Variants in KIAA1328 observed in about 807,000 individuals in gnomAD.
KIAA1328 encodes KIAA1328.
KIAA1328 carries 52 observed loss-of-function variants against 68.1 expected under a neutral mutation model. The ratio of observed to expected loss-of-function variants is 0.76; its 90% CI spans 0.61 to 0.96. The LOEUF is 0.96. KIAA1328 is among the 40% of genes least tolerant of loss of function. The probability of loss-of-function intolerance (pLI) is 0.00; values close to 1 mark genes in which losing one functional copy is unlikely to be tolerated. For missense variants in KIAA1328, 641 were observed against 677.6 expected (o/e 0.95, Z 0.60); for synonymous variants, 232 against 239.4 (o/e 0.97, Z 0.28).
chr18:36,959,607 G>A (rs1273817525), intron 6 of KIAA1328, among the ~76,000 whole-genome samples, 172 bp downstream of exon 6: 1 of 152,042 alleles, frequency 6.6e-6, no homozygotes, highest in African/African-American at 2.4e-5. Flanking sequence ...TTCTCCTCCT[G>A]TTCCTGGACC....
At chr18:36,921,046 A>G (rs890587065) in intron 5 of KIAA1328, 1 of 152,142 alleles carries the variant, frequency 6.6e-6, no homozygotes, top group Non-Finnish European at 1.5e-5. Flanking sequence ...TGATCGAGTC[A>G]CCCAATTTTT....
chr18:37,169,058 C>T (rs1243671790), intron 8 of KIAA1328, among the ~76,000 whole-genome samples: 3 of 151,870 alleles, frequency 2.0e-5, no homozygotes, highest in Non-Finnish European at 4.4e-5. Context: ...TATGTAAATG[C>T]ATTCACATAT....
At chr18:37,069,292 C>CTCTG (rs2056450290) in intron 7 of KIAA1328, among the ~76,000 whole-genome samples, 1 of 143,168 alleles carries the variant, frequency 7.0e-6, no homozygotes, top group Non-Finnish European at 1.5e-5. Context: ...CAGAGTCTTG[C>CTCTG]TCTGTCACCC....
At chr18:37,090,694 T>A (rs1364946858) in intron 7 of KIAA1328, among the ~76,000 whole-genome samples, 1 of 152,202 alleles carries the variant, frequency 6.6e-6, no homozygotes, top group Non-Finnish European at 1.5e-5. Flanking sequence ...TTGAAAGGTA[T>A]ATGGTCTTCT....
chr18:37,119,219 C>G (rs1474402154), intron 7 of KIAA1328, among the ~76,000 whole-genome samples: 3 of 152,006 alleles, frequency 2.0e-5, no homozygotes, highest in Admixed American at 6.6e-5. Flanking sequence ...ATAGCTACAG[C>G]CTATCAGTTT....
chr18:36,885,439 G>A, intron 4 of KIAA1328, 118 bp from the exon 5 acceptor site: 1 of 548,298 alleles, frequency 1.8e-6, no homozygotes, highest in Non-Finnish European at 3.2e-6. Context: ...ACAGAACAGA[G>A]TGTTCCTGAA....
At chr18:37,051,257 T>C (rs1173721831) in intron 6 of KIAA1328, among the ~76,000 whole-genome samples, 2 of 146,396 alleles carry the variant, frequency 1.4e-5, no homozygotes, top group Non-Finnish European at 3.0e-5. Context: ...ATAAAAAGGG[T>C]CGGTGAAACA....
chr18:36,970,132 G>A (rs2151314298), intron 6 of KIAA1328, among the ~76,000 whole-genome samples: 1 of 152,272 alleles, frequency 6.6e-6, no homozygotes, highest in African/African-American at 2.4e-5. Context: ...CTTCATCCCT[G>A]GGATGCAAGG....
At chr18:37,030,844 C>G (rs370986443) in intron 6 of KIAA1328, among the ~76,000 whole-genome samples, 11 of 152,086 alleles carry the variant, frequency 7.2e-5, no homozygotes, top group African/African-American at 9.7e-5. Context: ...GCCCCCACCC[C>G]CCGACAGGCC....
intron 6 of KIAA1328, among the ~76,000 whole-genome samples, chr18:36,993,967 G>GT (rs1424684451): frequency 1.6e-4 from 21 of 129,146 alleles, no homozygotes; most frequent in African/African-American, 4.7e-4. Flanking sequence ...AAATAGAAGA[G>GT]TAAAAAAAAA....
At chr18:37,100,360 A>T (rs1344839248) in intron 7 of KIAA1328, among the ~76,000 whole-genome samples, 1 of 152,246 alleles carries the variant, frequency 6.6e-6, no homozygotes, top group Non-Finnish European at 1.5e-5. Context: ...CAAACGGCAC[A>T]CCAGGAGAAT....
At chr18:37,098,629 G>A (rs747005168) in intron 7 of KIAA1328, among the ~76,000 whole-genome samples, 1 of 152,164 alleles carries the variant, frequency 6.6e-6, no homozygotes, top group Non-Finnish European at 1.5e-5. Flanking sequence ...CTATTGACTG[G>A]AATAGTTTCA....
In KIAA1328 at chr18:36,987,546, A is replaced by G. The variant is rs80064323; in HGVS notation, c.576+28111A>G. On this transcript the variant is annotated intron_variant, in intron 6 of 9. Coordinates refer to ENST00000280020, the MANE Select transcript of KIAA1328 (RefSeq NM_020776.3). ...TAAAAATTTAGGCTTAGCAGACTAT[A>G]TACTGTATAATTCTATTAATATAAA... is the stretch of plus-strand genomic sequence containing the variant. 5.9e-3 allele frequency among the ~76,000 whole-genome samples: 889 copies of G among 151,956 alleles called. 7 individuals are homozygous for G. The highest frequency in any genetic ancestry group is 0.021 in the African/African-American group (856 of 41,550).
chr18:37,138,245 A>G (rs2058688409), intron 7 of KIAA1328, among the ~76,000 whole-genome samples: 1 of 152,206 alleles, frequency 6.6e-6, no homozygotes, highest in Non-Finnish European at 1.5e-5. Flanking sequence ...AAGTTGTTTT[A>G]TAGATGAGGA....
intron 7 of KIAA1328, among the ~76,000 whole-genome samples, chr18:37,120,018 T>G (rs2058226601): frequency 6.6e-6 from 1 of 152,202 alleles, no homozygotes; most frequent in Non-Finnish European, 1.5e-5. Flanking sequence ...GATATTGACT[T>G]CAGGGGAAAC....
At chr18:36,855,513 G>C (rs1353769069) in intron 4 of KIAA1328, among the ~76,000 whole-genome samples, 2 of 151,296 alleles carry the variant, frequency 1.3e-5, no homozygotes, top group African/African-American at 2.4e-5. Flanking sequence ...TGTTGTTGTT[G>C]AGTTATAATG....
At chr18:36,970,923 CTTTCTTCACAGAATT>C (rs2052176662) in intron 6 of KIAA1328, among the ~76,000 whole-genome samples, 1 of 152,164 alleles carries the variant, frequency 6.6e-6, no homozygotes, top group Non-Finnish European at 1.5e-5. Flanking sequence ...CTACCATTGA[CTTTCTTCACAGAATT>C]ACAAAAAACT....
chr18:36,963,874 T>A (rs921725254), intron 6 of KIAA1328, among the ~76,000 whole-genome samples: 5 of 152,250 alleles, frequency 3.3e-5, no homozygotes, highest in African/African-American at 1.2e-4. Flanking sequence ...GAGCCTAACA[T>A]AGGTCTTGGC....
chr18:37,169,170 A>ATTT (rs1192375237), intron 8 of KIAA1328, among the ~76,000 whole-genome samples: 1 of 131,168 alleles, frequency 7.6e-6, no homozygotes. Context: ...ATTTATTTAT[A>ATTT]TTTTTTTTTT....
Sources: allele counts gnomAD v4.1 joint callset (sites outside exome capture counted in the v4.1 genomes callset), GRCh38; gene constraint gnomAD v4.1.1; transcripts MANE v1.5; gene names NCBI Gene and HGNC (gene_info 2026-07-23, HGNC 2026-07-21).